SPAG5: variants seen among roughly 807,000 people sequenced by gnomAD.
The protein encoded by SPAG5 is sperm associated antigen 5.
In SPAG5, 99 loss-of-function variants were observed where a neutral mutation model predicts 145.4. That is an observed-to-expected ratio of 0.68 (90% confidence interval 0.58 to 0.80). The LOEUF is 0.80. Ranked by LOEUF, SPAG5 falls within the 30% of genes least tolerant of loss-of-function variation. SPAG5 has a pLI of 0.00. For synonymous variants in SPAG5, 477 were observed against 525.4 expected (o/e 0.91, Z 1.26); for missense variants, 1,192 against 1,416.0 (o/e 0.84, Z 2.54).
intron 2 of SPAG5, among the ~76,000 whole-genome samples, chr17:28,594,366 C>T (rs777112317): frequency 2.6e-5 from 4 of 152,096 alleles, no homozygotes; most frequent in African/African-American, 7.2e-5. Flanking sequence ...GAGGCTGAGG[C>T]GGGCGGATCA....
At chr17:28,595,247 G>A (rs1241008041) in intron 2 of SPAG5, among the ~76,000 whole-genome samples, 1 of 137,156 alleles carries the variant, frequency 7.3e-6, no homozygotes, top group African/African-American at 2.7e-5. Flanking sequence ...GATACAACAA[G>A]ACTCCTTCTC....
At chr17:28,594,648 G>C (rs2070648212) in intron 2 of SPAG5, among the ~76,000 whole-genome samples, 1 of 151,970 alleles carries the variant, frequency 6.6e-6, no homozygotes, top group Non-Finnish European at 1.5e-5. Flanking sequence ...TTATATTAGT[G>C]GATGAAACAA....
chr17:28,584,954 G>A (rs1280825788), intron 10 of SPAG5, 148 bp downstream of exon 10: 31 of 796,634 alleles, frequency 3.9e-5, no homozygotes, highest in Admixed American at 2.5e-4. Context: ...AAAAAACTGC[G>A]CTTAAGGCCA....
At chr17:28,595,908 G>A (rs923246463) in intron 2 of SPAG5, among the ~76,000 whole-genome samples, 28 of 151,984 alleles carry the variant, frequency 1.8e-4, no homozygotes, top group Admixed American at 2.0e-4. Context: ...TTACCTGGGC[G>A]TAGTGATACA....
At position 28,586,474 on chromosome 17, in the gene SPAG5, T is replaced by C; in HGVS notation, c.1463A>G (p.Lys488Arg). ...GGCCTGTCCCATCTCATGGCTCTCC[T>C]TAAGATGCTGAAGTTTATTAGTTAT... ...SGITNKLQHL[K>R]ESHEMGQALQ... Residue 488 changes from lysine to arginine, a missense_variant, in exon 5 of 24, where the codon AAG (lysine) becomes AGG (arginine). Lys to Arg is a conservative substitution (Grantham distance 26). This residue lies in a region of SPAG5 where 709 missense variants were observed against 840.7 expected (regional missense o/e 0.84). Transcript: ENST00000321765. 1.9e-6 allele frequency: 3 copies of C among 1,613,866 alleles called. No individual in the cohort carries two copies. The highest frequency in any genetic ancestry group is 2.5e-6 in the Non-Finnish European group (3 of 1,179,714).
At chr17:28,577,964 C>A in intron 23 of SPAG5, 46 bp downstream of exon 23, 1 of 1,518,734 alleles carries the variant, frequency 6.6e-7, no homozygotes, top group Non-Finnish European at 9.1e-7. Flanking sequence ...TGGGGCCAGG[C>A]CTTGTACCAG....
intron 4 of SPAG5, among the ~76,000 whole-genome samples, chr17:28,586,987 TCAAA>T (rs2070589317): frequency 6.6e-6 from 1 of 152,120 alleles, no homozygotes; most frequent in Non-Finnish European, 1.5e-5. Flanking sequence ...ACTCCTGGCC[TCAAA>T]CAGTCCTCCT....
rs1230843129 is a variant in SPAG5, at chr17:28,592,667, T to C, written c.577A>G (p.Ile193Val). Residue 193 changes from isoleucine (I) to valine (V), a missense_variant, in exon 3 of 24, where the codon ATC becomes GTC. By Grantham distance (29) the Ile-to-Val change is conservative (BLOSUM62 3). Transcript: ENST00000321765. ...SEVAAVSEKP[I>V]FQESPSHLLE... ...AGATGGGACGGAGATTCCTGAAAGA[T>C]AGGTTTCTCAGATACAGCAGCAACT... The C allele has an allele frequency of 1.9e-6, 3 of 1,614,080 alleles. No homozygotes were observed. Among genetic ancestry groups the C allele is most frequent in the South Asian group, 2.2e-5 (2 of 91,094 alleles).
chr17:28,599,016 G>T lies in SPAG5; in HGVS notation c.-70C>A. ...GACGCCATGTTCACCCGCCGTCTGTGTTTGAACCTGCTCTGCGCTTCCTGG... is the reference window on the plus strand; with the variant it reads ...GACGCCATGTTCACCCGCCGTCTGTTTTTGAACCTGCTCTGCGCTTCCTGG... On this transcript the variant is annotated 5_prime_UTR_variant, in exon 1 of 24. Transcript: ENST00000321765. The T allele has an allele frequency of 6.7e-7, 1 of 1,487,762 alleles. No individual in the cohort carries two copies. Among genetic ancestry groups the T allele is most frequent in the Non-Finnish European group, 9.4e-7 (1 of 1,066,210 alleles). The allele number at this position is 1,487,762 out of a possible 1,614,324, so 92.2% of individuals were successfully genotyped here.
chr17:28,577,905 C>A (rs557209694), intron 23 of SPAG5, 105 bp downstream of exon 23: 7 of 1,222,658 alleles, frequency 5.7e-6, no homozygotes, highest in Middle Eastern at 1.9e-4. Flanking sequence ...GATTCAGGCC[C>A]AGCTCTCAGC....
intron 2 of SPAG5, among the ~76,000 whole-genome samples, chr17:28,596,106 G>A (rs1424348186): frequency 6.6e-6 from 1 of 152,068 alleles, no homozygotes; most frequent in Non-Finnish European, 1.5e-5. Flanking sequence ...TTGGGAGGGT[G>A]AGGCAGGAAA....
At chr17:28,585,678 C>A (rs2302206) in intron 7 of SPAG5, 25 bp from the exon 8 acceptor site, 152,122 of 1,612,556 alleles carry the variant, frequency 0.094, 7,794 homozygotes, top group East Asian at 0.15. Context: ...GGTTGCAAGG[C>A]CACAGTGGGC....
rs759703766 is a variant in SPAG5, at chr17:28,583,571, C to G, written c.2625G>C (p.Gly875=). ...EKTRQYSQKL[G]LLTEQLQSLT... is the part of the protein sequence containing the mutation. Reference sequence around the variant, plus strand: ...GGCTCTGTAGTTGCTCAGTCAGCAGCCCTAGCTTTTGAGAGTACTGCCGTG... The same window carrying G: ...GGCTCTGTAGTTGCTCAGTCAGCAGGCCTAGCTTTTGAGAGTACTGCCGTG... The change falls in exon 15 of 24, where the codon GGG becomes GGC. Residue 875 remains glycine, a synonymous_variant. Transcript: ENST00000321765. The G allele has an allele frequency of 6.2e-7, 1 of 1,613,864 alleles. No individual in the cohort carries two copies.
At position 28,578,424 on chromosome 17, in the gene SPAG5, G is replaced by T; in HGVS notation, c.3303C>A (p.Cys1101Ter). 1.2e-6 allele frequency: 2 copies of T among 1,614,146 alleles called. No individual in the cohort carries two copies. Among genetic ancestry groups the T allele is most frequent in the Non-Finnish European group, 8.5e-7 (1 of 1,180,038 alleles). ...EALAGQLDSNCQPMATNWIQE... is the reference protein window; with the variant it reads ...EALAGQLDSN Reference sequence around the variant, plus strand: ...GGATCCAATTGGTGGCCATAGGCTGGCAGTTGGAGTCCAGCTGGCCTGCCA... The same window carrying T: ...GGATCCAATTGGTGGCCATAGGCTGTCAGTTGGAGTCCAGCTGGCCTGCCA... Residue 1101 changes from cysteine to a stop codon, truncating the protein, a stop_gained, in exon 21 of 24, where the codon TGC becomes TGA. Coordinates refer to ENST00000321765, the MANE Select transcript of SPAG5 (RefSeq NM_006461.4). LOFTEE classifies it high-confidence loss of function.
intron 15 of SPAG5, chr17:28,580,771 A>G (rs1461739338): frequency 6.6e-6 from 1 of 152,128 alleles, no homozygotes; most frequent in African/African-American, 2.4e-5. Flanking sequence ...AATTTACTCT[A>G]ATTCATTCCC....
chr17:28,598,716 C>T, intron 1 of SPAG5, 81 bp from the exon 2 acceptor site: 1 of 1,546,958 alleles, frequency 6.5e-7, no homozygotes, highest in Non-Finnish European at 8.8e-7. Flanking sequence ...CCCTAAGAAG[C>T]CCAAAATGCG....
At position 28,598,580 on chromosome 17, in the gene SPAG5, A is replaced by C. The variant is rs1259515976; in HGVS notation, c.107T>G (p.Leu36Arg). 6.2e-7 allele frequency: 1 copy of C among 1,613,494 alleles called. No individual in the cohort carries two copies. Among genetic ancestry groups the C allele is most frequent in the African/African-American group, 1.3e-5 (1 of 74,882 alleles). The change falls in exon 2 of 24, where the codon CTC (leucine) becomes CGC (arginine). Residue 36 changes from leucine to arginine, a missense_variant. Physicochemically the swap from Leu to Arg is moderately radical, Grantham distance 102 (BLOSUM62 -2). Transcript: ENST00000321765. ...LRELTLQPGA[L>R]TNSGKRSPAC... is the part of the protein sequence containing the mutation. ...GGGGGATCTTTTTCCAGAGTTGGTG[A>C]GGGCACCGGGCTGCAGGGTAAGTTC...
At chr17:28,577,895 G>T in intron 23 of SPAG5, 115 bp downstream of exon 23, 1 of 1,197,448 alleles carries the variant, frequency 8.4e-7, no homozygotes, top group Non-Finnish European at 1.2e-6. Flanking sequence ...CTGCAATAGT[G>T]ATTCAGGCCC....
At chr17:28,580,715 GTCCT>G (rs2151519518) in intron 15 of SPAG5, 1 of 152,256 alleles carries the variant, frequency 6.6e-6, no homozygotes, top group South Asian at 2.1e-4. Context: ...CTATTCACAG[GTCCT>G]TCCTTAACTG....
Sources: allele counts gnomAD v4.1 joint callset (sites outside exome capture counted in the v4.1 genomes callset), GRCh38; gene constraint gnomAD v4.1.1; regional missense constraint gnomAD v4.1.1; transcripts MANE v1.5; gene names NCBI Gene and HGNC (gene_info 2026-07-23, HGNC 2026-07-21).